The following MOCS1 variants were observed in gnomAD, a reference collection of about 807,000 sequenced individuals.
MOCS1 encodes the protein molybdenum cofactor biosynthesis protein 1.
In MOCS1, 39 loss-of-function variants were observed where a neutral mutation model predicts 57.6. That is an observed-to-expected ratio of 0.68 (90% CI 0.52 to 0.88). The LOEUF (loss-of-function observed/expected upper bound fraction) is 0.88, where lower values mean the gene tolerates loss of function less well. Ranked by LOEUF, MOCS1 falls within the 40% of genes least tolerant of loss-of-function variation. The pLI is 0.00. For synonymous variants in MOCS1, 334 were observed against 335.7 expected, an observed-to-expected ratio of 1.00 and a Z score of 0.05; for missense variants, 795 against 831.1, an observed-to-expected ratio of 0.96 and a Z score of 0.53.
chr6:39,923,783 CA>C (rs1386799399), intron 3 of MOCS1, among the ~76,000 whole-genome samples: 1 of 152,244 alleles, frequency 6.6e-6, no homozygotes, highest in African/African-American at 2.4e-5. Flanking sequence ...AGAGGGCTGT[CA>C]GGGGGACCTG....
intron 10 of MOCS1, among the ~76,000 whole-genome samples, chr6:39,908,543 A>T (rs1767097152): frequency 6.6e-6 from 1 of 152,224 alleles, no homozygotes; most frequent in Admixed American, 6.5e-5. Flanking sequence ...GGTCTTGGCC[A>T]TCATTACCTC....
At chr6:39,927,876 GA>G (rs2149422670) in intron 1 of MOCS1, among the ~76,000 whole-genome samples, 1 of 152,008 alleles carries the variant, frequency 6.6e-6, no homozygotes, top group East Asian at 1.9e-4. Flanking sequence ...CCTGCAGAGA[GA>G]AAGGAGGGAG....
intron 8 of MOCS1, 94 bp from the exon 9 acceptor site, chr6:39,910,049 G>C (rs1767231377): frequency 1.5e-5 from 24 of 1,583,116 alleles, no homozygotes; most frequent in Non-Finnish European, 2.1e-5. Flanking sequence ...TCTCCCTCCG[G>C]GAGGAGCACC....
chr6:39,933,086 T>TGCG (rs1768722613), intron 1 of MOCS1, among the ~76,000 whole-genome samples: 1 of 152,064 alleles, frequency 6.6e-6, no homozygotes, highest in Non-Finnish European at 1.5e-5. Context: ...TCTACAGCTC[T>TGCG]GCGACTGGAG....
At chr6:39,910,733 A>G (rs1767271963) in intron 8 of MOCS1, among the ~76,000 whole-genome samples, 1 of 152,100 alleles carries the variant, frequency 6.6e-6, no homozygotes, top group South Asian at 2.1e-4. Flanking sequence ...CGTGCCTGTT[A>G]TTCCTCATGC....
In MOCS1 at chr6:39,927,344, T is replaced by C. The variant is rs1372110522; in HGVS notation, c.235A>G (p.Lys79Glu). The C allele has an allele frequency of 1.2e-6, 2 of 1,611,308 alleles. No individual in the cohort carries two copies. Among genetic ancestry groups the C allele is most frequent in the African/African-American group, 1.3e-5 (1 of 74,862 alleles). Reference sequence around the variant, plus strand: ...GGTGACTCACATCTGAGGTTGCACTTCTCTGTGAGGGAGATCCGCAGGTAG... The same window carrying C: ...GGTGACTCACATCTGAGGTTGCACTCCTCTGTGAGGGAGATCCGCAGGTAG... ...HSYLRISLTEKCNLRCQYCMP... is the reference protein window; with the variant it reads ...HSYLRISLTEECNLRCQYCMP... Residue 79 changes from lysine (K) to glutamate (E), a missense_variant, in exon 2 of 11, where the codon AAG (lysine) becomes GAG (glutamate). By Grantham distance (56) the Lys-to-Glu change is moderately conservative. Transcript: ENST00000340692.
At chr6:39,909,437 A>C (rs555200849) in intron 9 of MOCS1, among the ~76,000 whole-genome samples, 6 of 152,184 alleles carry the variant, frequency 3.9e-5, no homozygotes, top group South Asian at 4.1e-4. Context: ...GCTGTATGAC[A>C]AAAGGCCCCC....
chr6:39,934,351 A>G lies in MOCS1; in HGVS notation c.67T>C (p.Ser23Pro), dbSNP rs2149429472. ...CAGGGCTGGGTCACCGGAGCCCCTG[A>G]GCTGCAGCTCCGGGCGCTGGACCTC... Reference protein sequence around the residue: ...LLRSSARSCSSGAPVTQPCPG... With the variant: ...LLRSSARSCSPGAPVTQPCPG... Residue 23 changes from serine to proline, a missense_variant, in exon 1 of 11, where the codon TCA becomes CCA. Around this residue, in one of 3 missense-constraint regions of MOCS1, gnomAD observed 416 missense variants for 392.4 expected, o/e 1.06. Transcript: ENST00000340692. The G allele has an allele frequency of 1.9e-6, 3 of 1,554,390 alleles. No individual in the cohort carries two copies. Among genetic ancestry groups the G allele is most frequent in the East Asian group, 4.8e-5 (2 of 41,912 alleles).
chr6:39,930,548 C>T (rs996858687), intron 1 of MOCS1, among the ~76,000 whole-genome samples: 6 of 152,044 alleles, frequency 3.9e-5, no homozygotes, highest in Non-Finnish European at 8.8e-5. Flanking sequence ...AATCATTTCC[C>T]GGCTGGTCTC....
chr6:39,911,781 C>A (rs372079819), intron 8 of MOCS1, among the ~76,000 whole-genome samples: 1 of 152,318 alleles, frequency 6.6e-6, no homozygotes, highest in African/African-American at 2.4e-5. Context: ...GACTCTCGTG[C>A]TGCCACACAT....
chr6:39,910,172 T>C (rs1208762705), intron 8 of MOCS1, among the ~76,000 whole-genome samples: 1 of 152,200 alleles, frequency 6.6e-6, no homozygotes, highest in African/African-American at 2.4e-5. Flanking sequence ...AATACCTATA[T>C]GTGAGTTACA....
Position 39,904,416 on chromosome 6 carries a change from C to T in MOCS1, c.*1941G>A, listed in dbSNP as rs1477145679. 2.2e-6 allele frequency: 1 copy of T among 455,388 alleles called. No individual in the cohort carries two copies. The highest frequency in any genetic ancestry group is 1.6e-5 in the South Asian group (1 of 64,512). 28.2% of individuals were successfully genotyped at this position (455,388 alleles called of 1,614,324 possible). On this transcript the variant is annotated 3_prime_UTR_variant, in exon 11 of 11. Transcript: ENST00000340692. ...CTGGTGCCCAGTCGGGGTGGCTGAG[C>T]TGGTCCTTAATAGGTTGTTTCTTGG...
At chr6:39,930,061 C>T (rs1768566916) in intron 1 of MOCS1, among the ~76,000 whole-genome samples, 1 of 152,240 alleles carries the variant, frequency 6.6e-6, no homozygotes, top group African/African-American at 2.4e-5. Flanking sequence ...GACTGCACCA[C>T]CCGTTCTGAA....
At position 39,906,701 on chromosome 6, in the gene MOCS1, G is replaced by A. The variant is rs1766972089; in HGVS notation, c.1567C>T (p.Gln523Ter). 1.2e-6 allele frequency: 2 copies of A among 1,614,050 alleles called. No individual in the cohort carries two copies. The highest frequency in any genetic ancestry group is 2.7e-5 in the African/African-American group (2 of 74,948). Residue 523 changes from glutamine (Q) to a stop codon, truncating the protein, a stop_gained, in exon 11 of 11, where the codon CAG becomes TAG. Coordinates refer to ENST00000340692, the MANE Select transcript of MOCS1 (RefSeq NM_001358530.2). LOFTEE classifies it high-confidence loss of function. ...TCTCCTTTCTTGAGCTGGTTCTGCT[G>A]GACAAGCTTGAAGGCTACCGGTCCC... is the stretch of plus-strand genomic sequence containing the variant. ...LLGPVAFKLVQQNQLKKGDAL... is the reference protein window; with the variant it reads ...LLGPVAFKLV
Position 39,913,828 on chromosome 6 carries a change from G to C in MOCS1, c.591C>G (p.His197Gln), listed in dbSNP as rs934940442. The change falls in exon 5 of 11, where the codon CAC becomes CAG. Residue 197 changes from histidine to glutamine, a missense_variant. Physicochemically the swap from His to Gln is conservative, Grantham distance 24. Around this residue, in one of 3 missense-constraint regions of MOCS1, gnomAD observed 416 missense variants for 392.4 expected, o/e 1.06. Transcript: ENST00000340692. ...FEFIVRRKGF[H>Q]KVMEGIHKAI... is the part of the protein sequence containing the mutation. ...CCTTGTGGATGCCCTCCATGACCTT[G>C]TGGAAGCCTGGGAGGGAGAAACAAG... The C allele has an allele frequency of 2.5e-6, 4 of 1,614,084 alleles. No homozygotes were observed. In the African/African-American group the frequency reaches 4.0e-5, roughly 16 times the overall value.
At chr6:39,911,658 A>G (rs982427029) in intron 8 of MOCS1, among the ~76,000 whole-genome samples, 8 of 151,934 alleles carry the variant, frequency 5.3e-5, no homozygotes, top group African/African-American at 1.7e-4. Context: ...AACCCTATGT[A>G]TGCACCCTCC....
chr6:39,904,679 G>A lies in MOCS1; in HGVS notation c.*1678C>T, dbSNP rs748399401. The A allele has an allele frequency of 9.5e-5, 43 of 453,454 alleles. No individual in the cohort carries two copies. Among genetic ancestry groups the A allele is most frequent in the Middle Eastern group, 6.9e-4 (1 of 1,444 alleles). 28.1% of individuals were successfully genotyped at this position (453,454 alleles called of 1,614,324 possible). On this transcript the variant is annotated 3_prime_UTR_variant, in exon 11 of 11. Coordinates refer to ENST00000340692, the MANE Select transcript of MOCS1 (RefSeq NM_001358530.2). ...ACTCCCATCCCATTTCCACCAACTG[G>A]GGAACTGTGACTATCTATCTCCCCC...
rs1293927785 is a variant in MOCS1, at chr6:39,909,960, A to T, written c.982-5T>A. 1.9e-6 allele frequency: 3 copies of T among 1,613,084 alleles called. No individual in the cohort carries two copies. Reference sequence around the variant, plus strand: ...AGAGTTTCCAAAGAGGCAGACCTACATGTGGGTGAGGACAATATGCCTTCC... The same window carrying T: ...AGAGTTTCCAAAGAGGCAGACCTACTTGTGGGTGAGGACAATATGCCTTCC... On this transcript the variant is annotated splice_region_variant and splice_polypyrimidine_tract_variant and intron_variant, in intron 8 of 10. Transcript: ENST00000340692.
Position 39,905,575 on chromosome 6 carries a change from T to G in MOCS1, c.*782A>C. The G allele has an allele frequency of 2.1e-6, 1 of 471,204 alleles. No homozygotes were observed. The highest frequency in any genetic ancestry group is 4.4e-6 in the Non-Finnish European group (1 of 227,066). The allele number at this position is 471,204 out of a possible 1,614,324, so 29.2% of individuals were successfully genotyped here. A position where few individuals can be genotyped will look rare whatever the true frequency, so the allele number is the denominator to read the frequency against. On this transcript the variant is annotated 3_prime_UTR_variant, in exon 11 of 11. Transcript: ENST00000340692. ...GTGCGCTGTGAGGGTGAAGGCAATCTATCATCAACTTTTCTTTCCCTGATA... is the reference window on the plus strand; with the variant it reads ...GTGCGCTGTGAGGGTGAAGGCAATCGATCATCAACTTTTCTTTCCCTGATA...
Sources: gnomAD v4.1 joint callset for allele counts (sites outside exome capture counted in the v4.1 genomes callset) on GRCh38, gnomAD v4.1.1 for gene constraint, gnomAD v4.1.1 regional missense constraint, MANE v1.5 for transcripts, NCBI Gene and HGNC (gene_info 2026-07-23, HGNC 2026-07-21) for gene names.